Variants in CTNNA3 observed in about 807,000 individuals in gnomAD.
The protein encoded by CTNNA3 is catenin alpha-3.
In CTNNA3, 76 loss-of-function variants were observed where a neutral mutation model predicts 95.7. That is an observed-to-expected ratio of 0.79 (90% CI 0.66 to 0.96). The LOEUF is 0.96. CTNNA3 is among the 40% of genes least tolerant of loss of function. The pLI is 0.00. For missense variants in CTNNA3, 1,191 were observed against 1,089.8 expected, an observed-to-expected ratio of 1.09 and a Z score of -1.31; for synonymous variants, 431 against 374.4, an observed-to-expected ratio of 1.15 and a Z score of -1.74.
chr10:67,592,017 G>A (rs920926421), intron 3 of CTNNA3, among the ~76,000 whole-genome samples: 28 of 152,074 alleles, frequency 1.8e-4, no homozygotes, highest in Non-Finnish European at 1.3e-4. Flanking sequence ...TAGAGTCCAC[G>A]ACTGGAGTGA....
chr10:66,830,831 T>A (rs111412689), intron 7 of CTNNA3, among the ~76,000 whole-genome samples: 3 of 151,874 alleles, frequency 2.0e-5, no homozygotes, highest in Admixed American at 6.6e-5. Context: ...GGATGGTCTC[T>A]ATCTCCTGAC....
intron 11 of CTNNA3, among the ~76,000 whole-genome samples, chr10:66,426,488 A>G (rs904415893): frequency 6.6e-6 from 1 of 152,022 alleles, no homozygotes; most frequent in Non-Finnish European, 1.5e-5. Context: ...TGAATATTTG[A>G]AAATGTCTCT....
Position 66,644,314 on chromosome 10 carries a change from A to C in CTNNA3, c.1282-22530T>G, listed in dbSNP as rs918002294. Reference sequence around the variant, plus strand: ...TCTGTCTCTCTCTCTCTCTATATATATATATATATAAAATAATACTTTACA... The same window carrying C: ...TCTGTCTCTCTCTCTCTCTATATATCTATATATATAAAATAATACTTTACA... On this transcript the variant is annotated intron_variant, in intron 9 of 17. Transcript: ENST00000433211. Among the ~76,000 whole-genome samples the C allele has an allele frequency of 3.1e-3, 454 of 147,598 alleles. 3 individuals are homozygous for C. The highest frequency in any genetic ancestry group is 0.01 in the African/African-American group (411 of 40,476).
At position 66,421,420 on chromosome 10, in the gene CTNNA3, C is replaced by A. The variant is rs547708197; in HGVS notation, c.1532-42068G>T. Among the ~76,000 whole-genome samples, 151 of 152,176 alleles carry A rather than the reference C, an allele frequency of 9.9e-4. 2 individuals are homozygous for A. The highest frequency in any genetic ancestry group is 6.8e-3 in the Middle Eastern group (2 of 294). Reference sequence around the variant, plus strand: ...GTAGCTATAAGAAAGGACTTCCTAACCCATAGAAATAATAAATCCTCACAG... The same window carrying A: ...GTAGCTATAAGAAAGGACTTCCTAAACCATAGAAATAATAAATCCTCACAG... On this transcript the variant is annotated intron_variant, in intron 11 of 17. Coordinates refer to ENST00000433211, the MANE Select transcript of CTNNA3 (RefSeq NM_013266.4).
intron 7 of CTNNA3, among the ~76,000 whole-genome samples, chr10:67,005,280 C>T (rs980385276): frequency 5.9e-5 from 9 of 152,120 alleles, no homozygotes; most frequent in Non-Finnish European, 1.5e-5. Flanking sequence ...CTAATTTTCA[C>T]ATCTTTACCA....
chr10:66,586,643 C>G (rs1045033787), intron 10 of CTNNA3, among the ~76,000 whole-genome samples: 2 of 152,044 alleles, frequency 1.3e-5, no homozygotes, highest in African/African-American at 2.4e-5. Context: ...TGCATCCATG[C>G]TGAGCTCCCA....
At chr10:66,267,484 T>C (rs1371780220) in intron 13 of CTNNA3, among the ~76,000 whole-genome samples, 3 of 152,180 alleles carry the variant, frequency 2.0e-5, no homozygotes, top group Non-Finnish European at 2.9e-5. Flanking sequence ...GCTTCCATTA[T>C]ATTACTTATC....
At chr10:66,489,588 G>GCAAACACACACGTGCACA (rs1362724649) in intron 11 of CTNNA3, among the ~76,000 whole-genome samples, 18 of 151,880 alleles carry the variant, frequency 1.2e-4, no homozygotes, top group African/African-American at 3.6e-4. Flanking sequence ...ACTTGTGCAT[G>GCAAACACACACGTGCACA]CACACACACA....
chr10:66,844,267 C>T (rs758547664), intron 7 of CTNNA3, among the ~76,000 whole-genome samples: 2 of 152,176 alleles, frequency 1.3e-5, no homozygotes, highest in Non-Finnish European at 2.9e-5. Context: ...ATTCATTAGG[C>T]AGTTCAATTA....
intron 8 of CTNNA3, among the ~76,000 whole-genome samples, chr10:66,768,854 G>A (rs1202261496): frequency 6.6e-6 from 1 of 152,054 alleles, no homozygotes; most frequent in Non-Finnish European, 1.5e-5. Flanking sequence ...CTTGTCCCTT[G>A]GGCTTGAATA....
intron 12 of CTNNA3, among the ~76,000 whole-genome samples, chr10:66,353,420 T>G (rs1177164128): frequency 6.6e-6 from 1 of 152,134 alleles, no homozygotes; most frequent in Non-Finnish European, 1.5e-5. Context: ...GATGCGCAGC[T>G]CACTGTGTTG....
intron 11 of CTNNA3, among the ~76,000 whole-genome samples, chr10:66,431,128 TACAG>T (rs1564956040): frequency 6.6e-6 from 1 of 151,442 alleles, no homozygotes; most frequent in African/African-American, 2.4e-5. Flanking sequence ...TTATGCAGCC[TACAG>T]ACACATGAAA....
At chr10:67,511,717 G>A (rs1012322806) in intron 5 of CTNNA3, among the ~76,000 whole-genome samples, 1 of 152,206 alleles carries the variant, frequency 6.6e-6, no homozygotes. Flanking sequence ...CACAAAATGA[G>A]TTAGGGAGGA....
intron 7 of CTNNA3, among the ~76,000 whole-genome samples, chr10:67,178,571 C>G (rs916442876): frequency 6.6e-6 from 1 of 151,986 alleles, no homozygotes; most frequent in Non-Finnish European, 1.5e-5. Context: ...CCACAAATTA[C>G]GTGGCCAACC....
At chr10:67,576,504 A>G (rs1442799197) in intron 3 of CTNNA3, among the ~76,000 whole-genome samples, 3 of 151,868 alleles carry the variant, frequency 2.0e-5, no homozygotes, top group Non-Finnish European at 4.4e-5. Flanking sequence ...TTCAAAAATT[A>G]GTAATTATAA....
At chr10:66,819,136 A>C (rs766541468) in intron 7 of CTNNA3, among the ~76,000 whole-genome samples, 11 of 151,734 alleles carry the variant, frequency 7.2e-5, no homozygotes, top group Non-Finnish European at 1.6e-4. Flanking sequence ...GTATTGGCAT[A>C]ATGGATCAAA....
intron 9 of CTNNA3, among the ~76,000 whole-genome samples, chr10:66,760,732 G>A (rs116512858): frequency 0.012 from 1,787 of 152,190 alleles, 23 homozygotes; most frequent in African/African-American, 0.041. Context: ...GGAACTCACC[G>A]TGCATTTGGT....
intron 14 of CTNNA3, among the ~76,000 whole-genome samples, chr10:66,082,931 A>G (rs1273126978): frequency 6.6e-6 from 1 of 152,000 alleles, no homozygotes; most frequent in Non-Finnish European, 1.5e-5. Context: ...CTTTTTAAGT[A>G]TTGTCATATA....
At chr10:66,798,930 T>C (rs1298321142) in intron 7 of CTNNA3, among the ~76,000 whole-genome samples, 1 of 151,722 alleles carries the variant, frequency 6.6e-6, no homozygotes, top group Non-Finnish European at 1.5e-5. Context: ...TCGGCCAGCA[T>C]ACAAGTAAAG....
Sources: gnomAD v4.1 joint callset for allele counts (sites outside exome capture counted in the v4.1 genomes callset) on GRCh38, gnomAD v4.1.1 for gene constraint, MANE v1.5 for transcripts, NCBI Gene and HGNC (gene_info 2026-07-23, HGNC 2026-07-21) for gene names.